The following PROS1 variants were observed in gnomAD, a reference collection of about 807,000 sequenced individuals.
PROS1 encodes the protein protein S.
PROS1 carries 29 observed loss-of-function variants against 75.9 expected under a neutral mutation model. The observed-to-expected ratio is 0.38, with a 90% CI of 0.28 to 0.52. The LOEUF (loss-of-function observed/expected upper bound fraction) is 0.52. PROS1 is among the 20% of genes least tolerant of loss of function. The probability of loss-of-function intolerance (pLI) is 0.83; values close to 1 mark genes in which losing one functional copy is unlikely to be tolerated. For synonymous variants in PROS1, 245 were observed against 280.6 expected, an observed-to-expected ratio of 0.87 and a Z score of 1.27; for missense variants, 680 against 810.3, an observed-to-expected ratio of 0.84 and a Z score of 1.95.
At chr3:93,918,607 C>G (rs1322344148) in intron 3 of PROS1, among the ~76,000 whole-genome samples, 2 of 152,100 alleles carry the variant, frequency 1.3e-5, no homozygotes, top group African/African-American at 2.4e-5. Flanking sequence ...ACACTCACCG[C>G]GAGGGTCGGC....
At chr3:93,955,414 A>G (rs1175503835) in intron 1 of PROS1, among the ~76,000 whole-genome samples, 1 of 152,342 alleles carries the variant, frequency 6.6e-6, no homozygotes, top group South Asian at 2.1e-4. Flanking sequence ...GGATGAGTTC[A>G]TATCCTTTGC....
At chr3:93,965,188 T>C (rs2107266330) in intron 1 of PROS1, among the ~76,000 whole-genome samples, 1 of 152,330 alleles carries the variant, frequency 6.6e-6, no homozygotes, top group South Asian at 2.1e-4. Context: ...AGCTCTGTTT[T>C]CACTCTATTT....
At chr3:93,934,480 C>T (rs1405949096) in intron 1 of PROS1, among the ~76,000 whole-genome samples, 7 of 152,154 alleles carry the variant, frequency 4.6e-5, no homozygotes, top group Non-Finnish European at 1.0e-4. Context: ...GATTATGCTG[C>T]TATGCAACGA....
chr3:93,889,094 T>C (rs1708390674), intron 10 of PROS1, among the ~76,000 whole-genome samples: 2 of 152,206 alleles, frequency 1.3e-5, no homozygotes, highest in East Asian at 3.9e-4. Context: ...TTCCCTCATT[T>C]ATTTCTCATG....
chr3:93,891,036 T>C (rs147803314), intron 10 of PROS1, among the ~76,000 whole-genome samples: 1 of 152,118 alleles, frequency 6.6e-6, no homozygotes, highest in East Asian at 1.9e-4. Flanking sequence ...ACCCAGGAGG[T>C]AGAAGTTGCA....
chr3:93,961,210 GA>G (rs1559952731), intron 1 of PROS1, among the ~76,000 whole-genome samples: 2 of 152,162 alleles, frequency 1.3e-5, no homozygotes. Flanking sequence ...CCATAGGGGA[GA>G]AGGGACAGAG....
At chr3:93,957,671 T>C (rs1042100170) in intron 1 of PROS1, among the ~76,000 whole-genome samples, 1 of 152,186 alleles carries the variant, frequency 6.6e-6, no homozygotes, top group Non-Finnish European at 1.5e-5. Flanking sequence ...TTGTACCCTA[T>C]AAACATGGTT....
intron 10 of PROS1, among the ~76,000 whole-genome samples, chr3:93,888,911 C>T (rs1708388518): frequency 6.6e-6 from 1 of 152,174 alleles, no homozygotes; most frequent in Non-Finnish European, 1.5e-5. Flanking sequence ...TCCACATCCT[C>T]ATCATGGCCT....
rs529741423 is a variant in PROS1 at position 93,933,289 on chromosome 3, C to A, written c.77-5882G>T. On this transcript the variant is annotated intron_variant, in intron 1 of 14. Coordinates refer to ENST00000394236, the MANE Select transcript of PROS1 (RefSeq NM_000313.4). Reference sequence around the variant, plus strand: ...ACAGTATATTTTGTTTAAACCAAGACTGAGGCTGGGTACTGTGGCTCGCAC... The same window carrying A: ...ACAGTATATTTTGTTTAAACCAAGAATGAGGCTGGGTACTGTGGCTCGCAC... 2.6e-5 allele frequency among the ~76,000 whole-genome samples: 4 copies of A among 152,248 alleles called. No homozygotes were observed. The South Asian group carries it at 6.2e-4, about 24-fold the overall frequency.
At chr3:93,882,110 T>C (rs1192491182) in intron 12 of PROS1, among the ~76,000 whole-genome samples, 1 of 152,130 alleles carries the variant, frequency 6.6e-6, no homozygotes, top group Non-Finnish European at 1.5e-5. Context: ...CCTACAAAAT[T>C]TAATTTTTGA....
chr3:93,916,356 A>G (rs916617879), intron 3 of PROS1, among the ~76,000 whole-genome samples: 13 of 152,202 alleles, frequency 8.5e-5, no homozygotes, highest in African/African-American at 3.1e-4. Flanking sequence ...CCAAAATTTG[A>G]AAGCTCTGAG....
At chr3:93,911,861 G>A (rs1256025705) in intron 3 of PROS1, among the ~76,000 whole-genome samples, 3 of 152,186 alleles carry the variant, frequency 2.0e-5, no homozygotes, top group African/African-American at 7.2e-5. Context: ...AAAGGGTAGG[G>A]TGTGGGTGGG....
chr3:93,896,494 A>G (rs1292455984), intron 9 of PROS1, 82 bp downstream of exon 9: 5 of 1,011,946 alleles, frequency 4.9e-6, no homozygotes, highest in East Asian at 2.4e-5. Context: ...ACAATTTCAC[A>G]CACTTCAAAC....
At chr3:93,913,838 G>A (rs1266836086) in intron 3 of PROS1, among the ~76,000 whole-genome samples, 3 of 152,110 alleles carry the variant, frequency 2.0e-5, no homozygotes, top group Admixed American at 1.3e-4. Flanking sequence ...TCACCCTAAG[G>A]CAATTCCCAC....
chr3:93,942,409 C>T (rs973622052), intron 1 of PROS1, among the ~76,000 whole-genome samples: 7 of 152,176 alleles, frequency 4.6e-5, no homozygotes, highest in Admixed American at 4.6e-4. Flanking sequence ...AAACTCTTCT[C>T]AAGGCTGCTT....
intron 3 of PROS1, among the ~76,000 whole-genome samples, chr3:93,923,389 A>G (rs976280842): frequency 1.1e-4 from 16 of 152,158 alleles, no homozygotes; most frequent in African/African-American, 3.6e-4. Flanking sequence ...AAGAAGCAAG[A>G]GTTAACACTG....
chr3:93,904,524 T>A (rs1290888570), intron 6 of PROS1, among the ~76,000 whole-genome samples: 1 of 152,218 alleles, frequency 6.6e-6, no homozygotes, highest in Non-Finnish European at 1.5e-5. Flanking sequence ...AAGAGATGGA[T>A]GATTTGAACA....
chr3:93,884,113 T>C (rs770236972), intron 12 of PROS1, among the ~76,000 whole-genome samples: 3 of 152,186 alleles, frequency 2.0e-5, no homozygotes, highest in Non-Finnish European at 2.9e-5. Context: ...ACAAATATTC[T>C]TTATCTCAGT....
At chr3:93,957,462 G>C (rs1709622060) in intron 1 of PROS1, among the ~76,000 whole-genome samples, 1 of 152,154 alleles carries the variant, frequency 6.6e-6, no homozygotes, top group African/African-American at 2.4e-5. Flanking sequence ...ACAGCTAGCA[G>C]TGTAAGCCAG....
Sources: allele counts gnomAD v4.1 joint callset (sites outside exome capture counted in the v4.1 genomes callset), GRCh38; gene constraint gnomAD v4.1.1; transcripts MANE v1.5; gene names NCBI Gene and HGNC (gene_info 2026-07-23, HGNC 2026-07-21).